The following CTNNA3 variants were observed in gnomAD, a reference collection of about 807,000 sequenced individuals.
The protein encoded by CTNNA3 is catenin alpha-3.
In CTNNA3, 76 loss-of-function variants were observed where a neutral mutation model predicts 95.7. The observed-to-expected ratio is 0.79, with a 90% CI of 0.66 to 0.96. CTNNA3 has a LOEUF of 0.96. CTNNA3 is among the 40% of genes least tolerant of loss of function. The pLI is 0.00. For missense variants in CTNNA3, 1,191 were observed against 1,089.8 expected (o/e 1.09, Z -1.31); for synonymous variants, 431 against 374.4 (o/e 1.15, Z -1.74).
intron 7 of CTNNA3, among the ~76,000 whole-genome samples, chr10:66,957,441 TGC>T (rs1317720443): frequency 1.5e-4 from 17 of 111,472 alleles, no homozygotes; most frequent in African/African-American, 4.7e-4. Flanking sequence ...TATATATATA[TGC>T]ATATATATAT....
At chr10:66,672,003 AC>A (rs1184457653) in intron 9 of CTNNA3, among the ~76,000 whole-genome samples, 1 of 152,130 alleles carries the variant, frequency 6.6e-6, no homozygotes, top group Non-Finnish European at 1.5e-5. Flanking sequence ...ACAAACTGAG[AC>A]CTCAACTCTT....
rs1337249447 is a variant in CTNNA3, at chr10:67,726,386, T to TTA, written c.-2+37046_-2+37047dup. Among the ~76,000 whole-genome samples the TTA allele has an allele frequency of 2.8e-3, 138 of 50,040 alleles. 1 individual carries two copies. The highest frequency in any genetic ancestry group is 8.7e-3 in the African/African-American group (77 of 8,872). 32.8% of individuals were successfully genotyped at this position (50,040 alleles called of 152,430 possible). A position where few individuals can be genotyped will look rare whatever the true frequency, so the allele number is the denominator to read the frequency against. On this transcript the variant is annotated intron_variant, in intron 1 of 17. Coordinates refer to the CTNNA3 transcript ENST00000684154. ...ATAATATATGATATTATATATGAAA[T>TTA]TATATATATTATATATTATATCATA...
At chr10:66,090,481 C>CCTCA (rs1453527392) in intron 14 of CTNNA3, among the ~76,000 whole-genome samples, 1 of 151,906 alleles carries the variant, frequency 6.6e-6, no homozygotes, top group Non-Finnish European at 1.5e-5. Flanking sequence ...CTCCTAGAAG[C>CCTCA]CTCACAATAA....
chr10:66,811,761 C>A (rs1841888388), intron 7 of CTNNA3, among the ~76,000 whole-genome samples: 1 of 152,138 alleles, frequency 6.6e-6, no homozygotes, highest in Non-Finnish European at 1.5e-5. Flanking sequence ...CTCTCAATAA[C>A]CAAGCAAGAT....
chr10:67,647,473 T>C lies in CTNNA3; in HGVS notation c.41A>G (p.Gln14Arg). 1.9e-6 allele frequency: 3 copies of C among 1,613,512 alleles called. No homozygotes were observed. The highest frequency in any genetic ancestry group is 2.5e-6 in the Non-Finnish European group (3 of 1,179,568). Reference protein sequence around the residue: ...ETPITLNIDPQDLQVQTFTVE... With the variant: ...ETPITLNIDPRDLQVQTFTVE... The stretch of plus-strand genomic sequence containing the variant: ...GGTGAATGTTTGGACCTGCAGATCC[T>C]GAGGATCGATATTCAATGTGATTGG... The change falls in exon 2 of 18, where the codon CAG becomes CGG. Residue 14 changes from glutamine (Q) to arginine (R), a missense_variant. Gln to Arg is a conservative substitution (Grantham distance 43). Coordinates refer to ENST00000433211, the MANE Select transcript of CTNNA3 (RefSeq NM_013266.4).
chr10:67,097,627 A>ACCAGCC lies in CTNNA3; in HGVS notation c.1047+82684_1047+82689dup, dbSNP rs1310441292. 3 of 1,612,416 alleles carry ACCAGCC rather than the reference A, an allele frequency of 1.9e-6. No individual in the cohort carries two copies. The Admixed American group carries it at 5.0e-5, about 27-fold the overall frequency. The stretch of plus-strand genomic sequence containing the variant: ...AATGTGTCAACCTTTCTGGCATACG[A>ACCAGCC]CCAGCCCACAATAAGTTACTGTGGG... On this transcript the variant is annotated intron_variant, in intron 7 of 17. Coordinates refer to ENST00000433211, the MANE Select transcript of CTNNA3 (RefSeq NM_013266.4).
At chr10:66,113,216 A>G (rs1471677589) in intron 13 of CTNNA3, among the ~76,000 whole-genome samples, 2 of 151,780 alleles carry the variant, frequency 1.3e-5, no homozygotes, top group Non-Finnish European at 2.9e-5. Context: ...GTCCATGATG[A>G]TTAGTGGTAC....
At chr10:67,177,633 A>G (rs1384760336) in intron 7 of CTNNA3, among the ~76,000 whole-genome samples, 1 of 152,200 alleles carries the variant, frequency 6.6e-6, no homozygotes, top group Non-Finnish European at 1.5e-5. Flanking sequence ...CAAGTCTTTG[A>G]GCAAACGGTG....
chr10:66,408,096 A>G (rs967829251), intron 11 of CTNNA3, among the ~76,000 whole-genome samples: 1 of 152,206 alleles, frequency 6.6e-6, no homozygotes, highest in Admixed American at 6.5e-5. Context: ...TAAATTACTT[A>G]TAATACCTAA....
intron 7 of CTNNA3, among the ~76,000 whole-genome samples, chr10:66,799,371 A>G (rs929346799): frequency 2.6e-5 from 4 of 151,652 alleles, no homozygotes; most frequent in African/African-American, 7.2e-5. Context: ...TAGAGAGACA[A>G]AATGTATGAA....
intron 7 of CTNNA3, among the ~76,000 whole-genome samples, chr10:66,955,714 A>G (rs979751822): frequency 6.6e-6 from 1 of 152,170 alleles, no homozygotes; most frequent in African/African-American, 2.4e-5. Context: ...ACTGGAGATC[A>G]GCCTCCATTG....
intron 5 of CTNNA3, among the ~76,000 whole-genome samples, chr10:67,444,820 A>T (rs952081464): frequency 1.3e-5 from 2 of 152,154 alleles, no homozygotes; most frequent in Non-Finnish European, 2.9e-5. Flanking sequence ...ATTCCTAGAC[A>T]CATACAACCT....
chr10:66,466,074 C>A (rs777218555), intron 11 of CTNNA3, among the ~76,000 whole-genome samples: 1 of 151,842 alleles, frequency 6.6e-6, no homozygotes, highest in Admixed American at 6.6e-5. Flanking sequence ...AAACAGATAA[C>A]CCTCCATGAT....
chr10:66,465,004 G>A (rs1838851724), intron 11 of CTNNA3, among the ~76,000 whole-genome samples: 1 of 152,114 alleles, frequency 6.6e-6, no homozygotes, highest in Non-Finnish European at 1.5e-5. Context: ...AATTAGTAAT[G>A]AGAGTAAATG....
chr10:67,249,018 T>G (rs1866008486), intron 5 of CTNNA3, among the ~76,000 whole-genome samples: 2 of 152,184 alleles, frequency 1.3e-5, no homozygotes, highest in Admixed American at 1.3e-4. Context: ...AGTAAATCTT[T>G]GTGATTTTGG....
At chr10:67,391,035 A>G (rs1215491720) in intron 5 of CTNNA3, among the ~76,000 whole-genome samples, 1 of 152,038 alleles carries the variant, frequency 6.6e-6, no homozygotes, top group African/African-American at 2.4e-5. Flanking sequence ...TATTCAACAT[A>G]GTGTTGGAAG....
At chr10:67,345,430 T>C (rs1842373099) in intron 5 of CTNNA3, among the ~76,000 whole-genome samples, 1 of 152,096 alleles carries the variant, frequency 6.6e-6, no homozygotes, top group Non-Finnish European at 1.5e-5. Flanking sequence ...GAAAGTGGGG[T>C]GTTGAAGTCT....
Position 67,169,038 on chromosome 10 carries a change from T to C in CTNNA3, c.1047+11279A>G, listed in dbSNP as rs1158584529. Among the ~76,000 whole-genome samples, 5 of 152,118 alleles carry C rather than the reference T, an allele frequency of 3.3e-5. No individual in the cohort carries two copies. The East Asian group carries it at 9.6e-4, about 29-fold the overall frequency. On this transcript the variant is annotated intron_variant, in intron 7 of 17. Coordinates refer to ENST00000433211, the MANE Select transcript of CTNNA3 (RefSeq NM_013266.4). ...ATCATAAAGGCAATCTGATTCACAA[T>C]TGCCACAAAAAGACTAAAATGCTTA...
intron 10 of CTNNA3, among the ~76,000 whole-genome samples, chr10:66,560,235 C>T (rs1842510934): frequency 6.6e-6 from 1 of 151,986 alleles, no homozygotes; most frequent in South Asian, 2.1e-4. Flanking sequence ...GTTTTGTAGT[C>T]AGATTATTCA....
Sources: allele counts gnomAD v4.1 joint callset (sites outside exome capture counted in the v4.1 genomes callset), GRCh38; gene constraint gnomAD v4.1.1; transcripts MANE v1.5; gene names NCBI Gene and HGNC (gene_info 2026-07-23, HGNC 2026-07-21).